The following STK17B variants were observed in gnomAD, a reference collection of about 807,000 sequenced individuals.
STK17B encodes the protein serine/threonine kinase 17b.
STK17B carries 21 observed loss-of-function variants against 42.0 expected under a neutral mutation model. The observed-to-expected ratio is 0.50, with a 90% CI of 0.35 to 0.72. STK17B has a LOEUF of 0.72. STK17B is among the 30% of genes least tolerant of loss of function. The pLI, the probability that STK17B is intolerant of heterozygous loss-of-function variation, is 0.00. For synonymous variants in STK17B, 143 were observed against 148.4 expected, an observed-to-expected ratio of 0.96 and a Z score of 0.26; for missense variants, 349 against 446.0, an observed-to-expected ratio of 0.78 and a Z score of 1.96.
At chr2:196,167,149 T>C (rs941748495) in intron 1 of STK17B, among the ~76,000 whole-genome samples, 3 of 152,308 alleles carry the variant, frequency 2.0e-5, no homozygotes, top group Non-Finnish European at 2.9e-5. Flanking sequence ...CAGAATGGCC[T>C]CTCCCCCAGG....
At chr2:196,138,335 T>C (rs1699439388) in intron 7 of STK17B, among the ~76,000 whole-genome samples, 1 of 152,212 alleles carries the variant, frequency 6.6e-6, no homozygotes, top group Admixed American at 6.5e-5. Flanking sequence ...AGAGTTAACA[T>C]ATTTATTAAC....
At chr2:196,147,681 A>T (rs1699597943) in intron 3 of STK17B, among the ~76,000 whole-genome samples, 1 of 152,044 alleles carries the variant, frequency 6.6e-6, no homozygotes, top group Admixed American at 6.6e-5. Flanking sequence ...CATATATGTC[A>T]CTTTAACCCC....
chr2:196,155,193 G>T (rs1242496710), intron 3 of STK17B, among the ~76,000 whole-genome samples: 2 of 152,158 alleles, frequency 1.3e-5, no homozygotes, highest in Non-Finnish European at 2.9e-5. Context: ...ATGCAAGTAG[G>T]TAACTTTTTA....
intron 1 of STK17B, among the ~76,000 whole-genome samples, chr2:196,167,692 C>T (rs1699889679): frequency 6.6e-6 from 1 of 152,146 alleles, no homozygotes; most frequent in Non-Finnish European, 1.5e-5. Flanking sequence ...TTAATATAAG[C>T]TACTAATACA....
chr2:196,158,866 C>T (rs1214087687), intron 2 of STK17B, among the ~76,000 whole-genome samples: 1 of 151,968 alleles, frequency 6.6e-6, no homozygotes, highest in Non-Finnish European at 1.5e-5. Flanking sequence ...AAAAAATTAG[C>T]CGGGCTTGGT....
intron 2 of STK17B, 76 bp from the exon 3 acceptor site, chr2:196,156,727 C>T (rs1482760653): frequency 9.1e-7 from 1 of 1,095,130 alleles, no homozygotes; most frequent in South Asian, 1.5e-5. Flanking sequence ...TTCTGTTATA[C>T]CTCCAACTTA....
chr2:196,151,706 A>G (rs1007018099), intron 3 of STK17B, among the ~76,000 whole-genome samples: 1 of 152,190 alleles, frequency 6.6e-6, no homozygotes, highest in African/African-American at 2.4e-5. Context: ...TGGTATGGAA[A>G]AGTCTTTGTC....
rs6745041 is a variant in STK17B at position 196,134,415 on chromosome 2, C to T, written c.*3032G>A. ...AGCTCGAATCCTGCTGTGAACCACA[C>T]GTGCAAGAGATCTAGGTTGCATGCT... is the stretch of plus-strand genomic sequence containing the variant. On this transcript the variant is annotated 3_prime_UTR_variant, in exon 8 of 8. Transcript: ENST00000263955. The T allele has an allele frequency of 0.48, 73,590 of 152,090 alleles. 20,463 individuals are homozygous for T. Among genetic ancestry groups the T allele is most frequent in the South Asian group, 0.63 (3,047 of 4,816 alleles). 9.4% of individuals were successfully genotyped at this position (152,090 alleles called of 1,614,324 possible). A position where few individuals can be genotyped will look rare whatever the true frequency, so the allele number is the denominator to read the frequency against.
intron 1 of STK17B, among the ~76,000 whole-genome samples, chr2:196,163,914 C>T (rs1575186213): frequency 6.6e-6 from 1 of 151,896 alleles, no homozygotes; most frequent in Non-Finnish European, 1.5e-5. Context: ...TGGCTCGCAC[C>T]TGTAGTCCCA....
At chr2:196,141,223 G>A (rs1455413520) in intron 6 of STK17B, 26 bp downstream of exon 6, 2 of 1,581,952 alleles carry the variant, frequency 1.3e-6, no homozygotes, top group South Asian at 1.1e-5. Flanking sequence ...CCATAAAGAT[G>A]TTTAAGGTAA....
chr2:196,135,893 A>G lies in STK17B; in HGVS notation c.*1554T>C, dbSNP rs556960355. The G allele has an allele frequency of 1.3e-5, 2 of 151,970 alleles. No individual in the cohort carries two copies. The highest frequency in any genetic ancestry group is 4.2e-4 in the South Asian group (2 of 4,814). The allele number at this position is 151,970 out of a possible 1,614,324, so 9.4% of individuals were successfully genotyped here. A position where few individuals can be genotyped will look rare whatever the true frequency, so the allele number is the denominator to read the frequency against. On this transcript the variant is annotated 3_prime_UTR_variant, in exon 8 of 8. Coordinates refer to ENST00000263955, the MANE Select transcript of STK17B (RefSeq NM_004226.4). ...GTATTGTATCTATCTATAGATATATACATACACCTGTACATACACACATGT... is the reference window on the plus strand; with the variant it reads ...GTATTGTATCTATCTATAGATATATGCATACACCTGTACATACACACATGT...
chr2:196,162,376 A>C (rs1371424658), intron 2 of STK17B, among the ~76,000 whole-genome samples: 1 of 151,132 alleles, frequency 6.6e-6, no homozygotes, highest in Non-Finnish European at 1.5e-5. Context: ...TGTTCAACTT[A>C]GGAGAGGGGG....
At chr2:196,144,480 C>G (rs1575173407) in intron 4 of STK17B, among the ~76,000 whole-genome samples, 1 of 90,038 alleles carries the variant, frequency 1.1e-5, no homozygotes, top group East Asian at 3.7e-4. Flanking sequence ...GAGCGAGACT[C>G]TGTCTCAAAA....
rs1224120363 is a variant in STK17B, at chr2:196,135,821, G to A, written c.*1626C>T. The A allele has an allele frequency of 7.0e-6, 1 of 142,710 alleles. No homozygotes were observed. Among genetic ancestry groups the A allele is most frequent in the African/African-American group, 2.6e-5 (1 of 39,146 alleles). The allele number at this position is 142,710 out of a possible 1,614,324, so 8.8% of individuals were successfully genotyped here. Reference sequence around the variant, plus strand: ...AAAAAGCTCCTTTGGCACCTGAGTTGAGCACAATATACCACAGCAAAGAAT... The same window carrying A: ...AAAAAGCTCCTTTGGCACCTGAGTTAAGCACAATATACCACAGCAAAGAAT... On this transcript the variant is annotated 3_prime_UTR_variant, in exon 8 of 8. Coordinates refer to ENST00000263955, the MANE Select transcript of STK17B (RefSeq NM_004226.4).
intron 3 of STK17B, among the ~76,000 whole-genome samples, chr2:196,152,402 C>T (rs560851840): frequency 1.3e-5 from 2 of 152,052 alleles, no homozygotes; most frequent in South Asian, 2.1e-4. Context: ...CCACCACCCC[C>T]GGCCAAAAAA....
rs1465799572 is a variant in STK17B at position 196,143,660 on chromosome 2, T to C, written c.507A>G (p.Ile169Met). The C allele has an allele frequency of 6.3e-7, 1 of 1,584,092 alleles. No individual in the cohort carries two copies. The highest frequency in any genetic ancestry group is 1.4e-5 in the African/African-American group (1 of 73,314). Residue 169 changes from isoleucine to methionine, a missense_variant, in exon 5 of 8, where the codon ATA becomes ATG. Transcript: ENST00000263955. Reference protein sequence around the residue: ...LKPQNILLSSIYPLGDIKIVD... With the variant: ...LKPQNILLSSMYPLGDIKIVD... ...CTATTTTAATGTCCCCGAGAGGGTA[T>C]ATGCTGCTCAGTAATATATTCTGTG...
At chr2:196,171,204 C>G (rs1487151913) in intron 1 of STK17B, 129 bp downstream of exon 1, 1 of 152,302 alleles carries the variant, frequency 6.6e-6, no homozygotes, top group Non-Finnish European at 1.5e-5. Context: ...GAGTCCAAGC[C>G]CCTCTCAGCC....
upstream of STK17B, among the ~76,000 whole-genome samples, chr2:196,173,009 T>C (rs1351469985): frequency 6.6e-6 from 1 of 152,132 alleles, no homozygotes; most frequent in African/African-American, 2.4e-5. Context: ...GGGTTGTGTG[T>C]TTAACTTTGG....
At chr2:196,143,531 T>C (rs1300286995) in intron 5 of STK17B, 29 bp downstream of exon 5, 2 of 1,572,394 alleles carry the variant, frequency 1.3e-6, no homozygotes, top group Non-Finnish European at 1.7e-6. Context: ...AATTTCAAAA[T>C]GGTATAGAAA....
Sources: gnomAD v4.1 joint callset for allele counts (sites outside exome capture counted in the v4.1 genomes callset) on GRCh38, gnomAD v4.1.1 for gene constraint, MANE v1.5 for transcripts, NCBI Gene and HGNC (gene_info 2026-07-23, HGNC 2026-07-21) for gene names.